Variants in NALF1 observed in about 807,000 individuals in gnomAD.
NALF1 encodes the protein NALCN channel auxiliary factor 1, also known as family with sequence similarity 155 member A.
Under a neutral mutation model 48.4 loss-of-function variants are expected in NALF1, and 3 were observed. The observed-to-expected ratio is 0.06, with a 90% CI of 0.03 to 0.16. The LOEUF (loss-of-function observed/expected upper bound fraction) is 0.16. Ranked by LOEUF, NALF1 falls within the 10% of genes least tolerant of loss-of-function variation. The probability of loss-of-function intolerance (pLI) is 1.00; values close to 1 mark genes in which losing one functional copy is unlikely to be tolerated. For synonymous variants in NALF1, 262 were observed against 245.7 expected, an observed-to-expected ratio of 1.07 and a Z score of -0.62; for missense variants, 526 against 571.5, an observed-to-expected ratio of 0.92 and a Z score of 0.81.
intron 1 of NALF1, among the ~76,000 whole-genome samples, chr13:107,316,512 CA>C (rs1882153537): frequency 6.6e-6 from 1 of 152,186 alleles, no homozygotes. Flanking sequence ...ACAGTCCCAC[CA>C]ACAGTGTAAA....
At chr13:107,751,402 T>C (rs927186830) in intron 1 of NALF1, among the ~76,000 whole-genome samples, 2 of 152,234 alleles carry the variant, frequency 1.3e-5, no homozygotes, top group Admixed American at 6.5e-5. Context: ...AAAATAGTTA[T>C]AGCTACATGA....
intron 1 of NALF1, among the ~76,000 whole-genome samples, chr13:107,376,694 A>C (rs1356698423): frequency 6.6e-6 from 1 of 152,216 alleles, no homozygotes; most frequent in Non-Finnish European, 1.5e-5. Context: ...ATTGAGCTAT[A>C]AATTCATCAA....
chr13:107,676,715 T>C (rs1455111094), intron 1 of NALF1, among the ~76,000 whole-genome samples: 1 of 151,754 alleles, frequency 6.6e-6, no homozygotes, highest in Non-Finnish European at 1.5e-5. Flanking sequence ...CTTTGAAATA[T>C]ATCTGTACAT....
At position 107,423,280 on chromosome 13, in the gene NALF1, G is replaced by A. The variant is rs576493798; in HGVS notation, c.916-212525C>T. Among the ~76,000 whole-genome samples, 5 of 152,274 alleles carry A rather than the reference G, an allele frequency of 3.3e-5. No individual in the cohort carries two copies. In the East Asian group the frequency reaches 9.7e-4, roughly 29 times the overall value. On this transcript the variant is annotated intron_variant, in intron 1 of 2. Transcript: ENST00000375915. Reference sequence around the variant, plus strand: ...AGTGACAGCTATTAGCACAGTCTGAGGAGCAGAGGTCAGGAATGCTGGGAA... The same window carrying A: ...AGTGACAGCTATTAGCACAGTCTGAAGAGCAGAGGTCAGGAATGCTGGGAA...
rs9559094 is a variant in NALF1 at position 107,609,806 on chromosome 13, T to A, written c.915+255876A>T. On this transcript the variant is annotated intron_variant, in intron 1 of 2. Coordinates refer to ENST00000375915, the MANE Select transcript of NALF1 (RefSeq NM_001080396.3). ...AATATACTTGGATAAAATAAATGCA[T>A]GTATATCCACATCACAGACAAATAA... Among the ~76,000 whole-genome samples the A allele has an allele frequency of 0.021, 3,142 of 152,318 alleles. 220 individuals are homozygous for A. In the East Asian group the frequency reaches 0.27, roughly 13 times the overall value.
intron 1 of NALF1, among the ~76,000 whole-genome samples, chr13:107,660,118 C>T (rs1369078446): frequency 6.6e-6 from 1 of 151,998 alleles, no homozygotes; most frequent in Non-Finnish European, 1.5e-5. Context: ...ATTTTGATAA[C>T]ACAAACCATA....
chr13:107,832,314 T>G (rs1245392373), intron 1 of NALF1, among the ~76,000 whole-genome samples: 1 of 151,964 alleles, frequency 6.6e-6, no homozygotes, highest in African/African-American at 2.4e-5. Flanking sequence ...GGCAAAAATG[T>G]TTTAAAATAT....
intron 2 of NALF1, among the ~76,000 whole-genome samples, chr13:107,180,550 CAT>C (rs543216637): frequency 3.0e-4 from 45 of 151,966 alleles, no homozygotes; most frequent in African/African-American, 9.6e-4. Flanking sequence ...AAAACAGTAA[CAT>C]AGTCTTTTTC....
At chr13:107,564,157 G>T (rs551163901) in intron 1 of NALF1, among the ~76,000 whole-genome samples, 1 of 152,290 alleles carries the variant, frequency 6.6e-6, no homozygotes, top group East Asian at 1.9e-4. Flanking sequence ...GGAGTCTGGG[G>T]TAATGAGGCT....
intron 1 of NALF1, among the ~76,000 whole-genome samples, chr13:107,379,824 T>A (rs1883400191): frequency 6.6e-6 from 1 of 152,208 alleles, no homozygotes. Context: ...TATCATAGAA[T>A]ACACTTCCAT....
intron 1 of NALF1, among the ~76,000 whole-genome samples, chr13:107,435,426 G>C (rs1232479632): frequency 1.3e-5 from 2 of 152,110 alleles, no homozygotes; most frequent in African/African-American, 4.8e-5. Flanking sequence ...CACGCAGACA[G>C]CTGTTTTGGC....
intron 1 of NALF1, among the ~76,000 whole-genome samples, chr13:107,863,914 A>G (rs1880643421): frequency 6.6e-6 from 1 of 152,220 alleles, no homozygotes; most frequent in Non-Finnish European, 1.5e-5. Context: ...ACTGAGTTAT[A>G]CAAATGGAAA....
chr13:107,832,055 C>G (rs561599046), intron 1 of NALF1, among the ~76,000 whole-genome samples: 20 of 152,262 alleles, frequency 1.3e-4, no homozygotes, highest in African/African-American at 4.8e-4. Context: ...TAGAACTACA[C>G]ATTTTGTGAT....
chr13:107,383,095 T>C (rs1284827053), intron 1 of NALF1, among the ~76,000 whole-genome samples: 1 of 152,184 alleles, frequency 6.6e-6, no homozygotes, highest in Non-Finnish European at 1.5e-5. Context: ...GGGTACAGTT[T>C]GAATATTTTA....
At chr13:107,763,471 C>CAAAAA (rs750250035) in intron 1 of NALF1, among the ~76,000 whole-genome samples, 1 of 79,172 alleles carries the variant, frequency 1.3e-5, no homozygotes, top group East Asian at 2.9e-4. Flanking sequence ...TATTAAAATT[C>CAAAAA]AAAAAAAAAA....
At chr13:107,411,892 GC>G (rs1355882298) in intron 1 of NALF1, among the ~76,000 whole-genome samples, 1 of 152,152 alleles carries the variant, frequency 6.6e-6, no homozygotes, top group African/African-American at 2.4e-5. Context: ...AGCAGAACAC[GC>G]CCCAGGCTGG....
At chr13:107,441,552 A>G (rs1466711146) in intron 1 of NALF1, among the ~76,000 whole-genome samples, 1 of 152,250 alleles carries the variant, frequency 6.6e-6, no homozygotes, top group Admixed American at 6.5e-5. Context: ...GAATGGGAAC[A>G]TGATACTGCT....
At chr13:107,319,357 C>A (rs566750279) in intron 1 of NALF1, among the ~76,000 whole-genome samples, 1 of 151,966 alleles carries the variant, frequency 6.6e-6, no homozygotes, top group South Asian at 2.1e-4. Flanking sequence ...CAGGGAAAGA[C>A]CAAAAGCAGG....
chr13:107,236,602 T>C (rs1221744107), intron 1 of NALF1, among the ~76,000 whole-genome samples: 1 of 152,180 alleles, frequency 6.6e-6, no homozygotes, highest in Non-Finnish European at 1.5e-5. Context: ...ATCCATGGAA[T>C]AGAAACTGTG....
Sources: allele counts gnomAD v4.1 joint callset (sites outside exome capture counted in the v4.1 genomes callset), GRCh38; gene constraint gnomAD v4.1.1; transcripts MANE v1.5; gene names NCBI Gene and HGNC (gene_info 2026-07-23, HGNC 2026-07-21).